Variants in KCNIP1 observed in about 807,000 individuals in gnomAD.
The protein encoded by KCNIP1 is potassium voltage-gated channel interacting protein 1.
Under a neutral mutation model 33.0 loss-of-function variants are expected in KCNIP1, and 18 were observed. That is an observed-to-expected ratio of 0.55 (90% CI 0.38 to 0.81). The LOEUF (loss-of-function observed/expected upper bound fraction) is 0.81, where lower values mean the gene tolerates loss of function less well. Ranked by LOEUF, KCNIP1 falls within the 30% of genes least tolerant of loss-of-function variation. The pLI is 0.00. For missense variants in KCNIP1, 238 were observed against 271.6 expected (o/e 0.88, Z 0.87); for synonymous variants, 93 against 98.3 (o/e 0.95, Z 0.32).
intron 1 of KCNIP1, chr5:170,374,694 G>T (rs1031940885): frequency 6.6e-6 from 1 of 152,160 alleles, no homozygotes; most frequent in Non-Finnish European, 1.5e-5. Context: ...GGTTTATTAA[G>T]AACTGATGAA....
At chr5:170,444,456 A>C (rs189382089) in intron 1 of KCNIP1, among the ~76,000 whole-genome samples, 1 of 152,162 alleles carries the variant, frequency 6.6e-6, no homozygotes, top group East Asian at 1.9e-4. Flanking sequence ...TAATCTTCCC[A>C]CTTTAAAGCC....
intron 1 of KCNIP1, among the ~76,000 whole-genome samples, chr5:170,589,879 G>T (rs1447915480): frequency 6.6e-6 from 1 of 152,048 alleles, no homozygotes; most frequent in Non-Finnish European, 1.5e-5. Flanking sequence ...CAGTCCTGAA[G>T]CCCAGCCCAG....
intron 1 of KCNIP1, among the ~76,000 whole-genome samples, chr5:170,665,335 T>G (rs1219042859): frequency 1.3e-5 from 2 of 151,338 alleles, no homozygotes; most frequent in Non-Finnish European, 2.9e-5. Flanking sequence ...AATCTGGATT[T>G]TTTTTTTCTG....
chr5:170,626,397 T>C (rs1759825010), intron 1 of KCNIP1, among the ~76,000 whole-genome samples: 1 of 152,148 alleles, frequency 6.6e-6, no homozygotes, highest in African/African-American at 2.4e-5. Flanking sequence ...GCTAGCTTTC[T>C]AATGGGGGTG....
chr5:170,697,573 G>A (rs1404777138), intron 1 of KCNIP1, among the ~76,000 whole-genome samples: 2 of 152,172 alleles, frequency 1.3e-5, no homozygotes, highest in Non-Finnish European at 2.9e-5. Flanking sequence ...TTAATGCCCA[G>A]TGCCCCAGCT....
intron 1 of KCNIP1, among the ~76,000 whole-genome samples, chr5:170,558,498 G>A (rs1205277741): frequency 6.6e-6 from 1 of 152,230 alleles, no homozygotes; most frequent in Non-Finnish European, 1.5e-5. Flanking sequence ...CTCCCTTGTA[G>A]ATAAAGATCG....
chr5:170,515,874 C>T (rs1356402682), intron 1 of KCNIP1, among the ~76,000 whole-genome samples: 2 of 152,176 alleles, frequency 1.3e-5, no homozygotes, highest in East Asian at 1.9e-4. Context: ...AGAAGATGGC[C>T]GAAAGAGGCG....
intron 1 of KCNIP1, among the ~76,000 whole-genome samples, chr5:170,522,458 G>A (rs17745861): frequency 0.052 from 7,902 of 152,284 alleles, 250 homozygotes; most frequent in East Asian, 0.15. Flanking sequence ...GTTCTGCATG[G>A]CAGTTGCATT....
intron 1 of KCNIP1, among the ~76,000 whole-genome samples, chr5:170,647,027 A>G (rs1760812983): frequency 6.6e-6 from 1 of 152,200 alleles, no homozygotes; most frequent in African/African-American, 2.4e-5. Flanking sequence ...AATACTTATA[A>G]TCTAAATAAG....
intron 1 of KCNIP1, among the ~76,000 whole-genome samples, chr5:170,611,681 C>G (rs1759159857): frequency 6.6e-6 from 1 of 152,214 alleles, no homozygotes; most frequent in South Asian, 2.1e-4. Context: ...CCACCTTCCT[C>G]AAAGGGTAAC....
chr5:170,417,607 C>G (rs1373908595), intron 1 of KCNIP1, among the ~76,000 whole-genome samples: 1 of 152,200 alleles, frequency 6.6e-6, no homozygotes, highest in African/African-American at 2.4e-5. Flanking sequence ...CTCTTGTCGT[C>G]TGGGTTCTGG....
upstream of KCNIP1, among the ~76,000 whole-genome samples, chr5:170,500,843 A>G (rs1757396857): frequency 6.6e-6 from 1 of 152,256 alleles, no homozygotes; most frequent in South Asian, 2.1e-4. Flanking sequence ...AGATACATGA[A>G]TGAATGAATA....
chr5:170,407,208 G>C lies in KCNIP1; in HGVS notation c.88+53244G>C, dbSNP rs185801243. On this transcript the variant is annotated intron_variant, in intron 1 of 7. Transcript: ENST00000377360. ...AGAGTGACAGCATGCTACTGCTAGC[G>C]GGGGAAGCTGCACGTGCCATGGTTA... Among the ~76,000 whole-genome samples, 16 of 152,320 alleles carry C rather than the reference G, an allele frequency of 1.1e-4. No individual in the cohort carries two copies. The South Asian group carries it at 2.5e-3, about 24-fold the overall frequency.
intron 1 of KCNIP1, among the ~76,000 whole-genome samples, chr5:170,464,737 T>C (rs922447953): frequency 1.3e-5 from 2 of 152,142 alleles, no homozygotes; most frequent in African/African-American, 4.8e-5. Context: ...TACACCACTC[T>C]TGAGTTTCTT....
intron 1 of KCNIP1, among the ~76,000 whole-genome samples, chr5:170,637,830 C>T (rs1052011656): frequency 3.9e-5 from 6 of 152,098 alleles, no homozygotes; most frequent in African/African-American, 1.2e-4. Context: ...TGGGGCAGGC[C>T]GACTAGAAGA....
intron 1 of KCNIP1, among the ~76,000 whole-genome samples, chr5:170,592,902 C>A (rs1758313720): frequency 1.3e-5 from 2 of 152,150 alleles, no homozygotes; most frequent in Admixed American, 1.3e-4. Context: ...CACAAGAAGC[C>A]CGAAACATAA....
chr5:170,640,796 A>C (rs577759458), intron 1 of KCNIP1, among the ~76,000 whole-genome samples: 1 of 152,136 alleles, frequency 6.6e-6, no homozygotes, highest in African/African-American at 2.4e-5. Flanking sequence ...GAGAACTGTA[A>C]ATCTTGGAAA....
intron 1 of KCNIP1, among the ~76,000 whole-genome samples, chr5:170,592,904 G>C (rs80203838): frequency 6.6e-6 from 1 of 152,022 alleles, no homozygotes; most frequent in Non-Finnish European, 1.5e-5. Flanking sequence ...CAAGAAGCCC[G>C]AAACATAATC....
chr5:170,474,579 C>T (rs1455853021), intron 1 of KCNIP1, among the ~76,000 whole-genome samples: 2 of 152,146 alleles, frequency 1.3e-5, no homozygotes, highest in Non-Finnish European at 2.9e-5. Context: ...AGGCCCCAGA[C>T]CTTAAGCTTT....
Sources: gnomAD v4.1 joint callset for allele counts (sites outside exome capture counted in the v4.1 genomes callset) on GRCh38, gnomAD v4.1.1 for gene constraint, MANE v1.5 for transcripts, NCBI Gene and HGNC (gene_info 2026-07-23, HGNC 2026-07-21) for gene names.